SEMA6A: variants seen among roughly 807,000 people sequenced by gnomAD.
SEMA6A encodes the protein semaphorin 6A.
SEMA6A carries 25 observed loss-of-function variants against 96.8 expected under a neutral mutation model. The observed-to-expected ratio is 0.26, with a 90% CI of 0.19 to 0.36. The LOEUF (loss-of-function observed/expected upper bound fraction) is 0.36. SEMA6A is among the 10% of genes least tolerant of loss of function. The pLI, the probability that SEMA6A is intolerant of heterozygous loss-of-function variation, is 1.00. For synonymous variants in SEMA6A, 612 were observed against 518.0 expected (o/e 1.18, Z -2.46); for missense variants, 1,363 against 1,323.1 (o/e 1.03, Z -0.47).
chr5:116,532,379 G>A (rs1580482944), intron 1 of SEMA6A, among the ~76,000 whole-genome samples: 1 of 152,222 alleles, frequency 6.6e-6, no homozygotes, highest in Non-Finnish European at 1.5e-5. Flanking sequence ...ATACTTTTAT[G>A]CAGGTGCAAG....
chr5:116,514,780 C>T (rs2112800364), intron 1 of SEMA6A, among the ~76,000 whole-genome samples: 2 of 152,304 alleles, frequency 1.3e-5, no homozygotes, highest in Admixed American at 1.3e-4. Flanking sequence ...ATCTTACCAA[C>T]TCCCTGTTTT....
At position 116,488,046 on chromosome 5, in the gene SEMA6A, G is replaced by T. The variant is rs893864373; in HGVS notation, c.744+62C>A. 27 of 1,084,486 alleles carry T rather than the reference G, an allele frequency of 2.5e-5. 1 individual carries two copies. Among genetic ancestry groups the T allele is most frequent in the African/African-American group, 2.0e-4 (13 of 64,030 alleles). The allele number at this position is 1,084,486 out of a possible 1,614,324, so 67.2% of individuals were successfully genotyped here. A position where few individuals can be genotyped will look rare whatever the true frequency, so the allele number is the denominator to read the frequency against. ...TTCAAGATCATTTATAACAACATTTGACCAAAGGTGTGGGTTTCTGAAAAT... is the reference window on the plus strand; with the variant it reads ...TTCAAGATCATTTATAACAACATTTTACCAAAGGTGTGGGTTTCTGAAAAT... On this transcript the variant is annotated intron_variant, in intron 9 of 18. Transcript: ENST00000343348.
At chr5:116,531,317 A>G (rs888104878) in intron 1 of SEMA6A, among the ~76,000 whole-genome samples, 2 of 152,174 alleles carry the variant, frequency 1.3e-5, no homozygotes, top group Non-Finnish European at 2.9e-5. Flanking sequence ...TACAACACAA[A>G]GTAAACGCTG....
At chr5:116,534,036 A>G (rs1759607410) in intron 1 of SEMA6A, among the ~76,000 whole-genome samples, 1 of 152,142 alleles carries the variant, frequency 6.6e-6, no homozygotes, top group Non-Finnish European at 1.5e-5. Flanking sequence ...CTTGAGGGAA[A>G]AGTCCTTTCC....
rs767868238 is a variant in SEMA6A, at chr5:116,447,038, G to C, written c.2668C>G (p.Pro890Ala). ...KVPQREASLG[P>A]PGASLSQTGL... Reference sequence around the variant, plus strand: ...GTCTGAGACAGGGAGGCTCCCGGGGGACCCAGGGAGGCCTCCCGCTGTGGA... The same window carrying C: ...GTCTGAGACAGGGAGGCTCCCGGGGCACCCAGGGAGGCCTCCCGCTGTGGA... The change falls in exon 19 of 19, where the codon CCC becomes GCC. Residue 890 changes from proline to alanine, a missense_variant. Pro to Ala is a conservative substitution (Grantham distance 27). Coordinates refer to ENST00000343348, the MANE Select transcript of SEMA6A (RefSeq NM_020796.5). 2 of 1,613,896 alleles carry C rather than the reference G, an allele frequency of 1.2e-6. No individual in the cohort carries two copies. Among genetic ancestry groups the C allele is most frequent in the South Asian group, 1.1e-5 (1 of 91,076 alleles).
At chr5:116,519,287 A>G (rs1758816439) in intron 1 of SEMA6A, among the ~76,000 whole-genome samples, 1 of 152,136 alleles carries the variant, frequency 6.6e-6, no homozygotes, top group Non-Finnish European at 1.5e-5. Context: ...AATTTTTCCA[A>G]TTTTTTGAAA....
At chr5:116,524,012 A>G (rs1759091743) in intron 1 of SEMA6A, among the ~76,000 whole-genome samples, 1 of 152,246 alleles carries the variant, frequency 6.6e-6, no homozygotes. Context: ...ACAACTGGAC[A>G]TTGAAACCTA....
At chr5:116,565,718 A>G (rs1760998323) in intron 1 of SEMA6A, among the ~76,000 whole-genome samples, 1 of 152,262 alleles carries the variant, frequency 6.6e-6, no homozygotes, top group Admixed American at 6.5e-5. Flanking sequence ...GAACAAATAC[A>G]TTGAAAAACC....
chr5:116,463,672 GATA>G, intron 18 of SEMA6A, among the ~76,000 whole-genome samples: 1 of 152,256 alleles, frequency 6.6e-6, no homozygotes, highest in African/African-American at 2.4e-5. Flanking sequence ...GTAATAATGT[GATA>G]ATATCTCACT....
chr5:116,516,552 A>G (rs1170553679), intron 1 of SEMA6A, among the ~76,000 whole-genome samples: 2 of 152,180 alleles, frequency 1.3e-5, no homozygotes, highest in African/African-American at 4.8e-5. Context: ...TTATGTAAAA[A>G]GTGACTCATT....
At chr5:116,513,141 C>T (rs1278179290) in intron 1 of SEMA6A, among the ~76,000 whole-genome samples, 1 of 150,378 alleles carries the variant, frequency 6.6e-6, no homozygotes, top group Non-Finnish European at 1.5e-5. Flanking sequence ...TTTTTTTTTC[C>T]CCCGCGACGG....
At chr5:116,502,123 G>T in intron 3 of SEMA6A, 87 bp downstream of exon 3, 1 of 984,792 alleles carries the variant, frequency 1.0e-6, no homozygotes, top group Non-Finnish European at 1.6e-6. Flanking sequence ...GAAACCTCAA[G>T]ATCTTAAAAA....
intron 18 of SEMA6A, 56 bp from the exon 19 acceptor site, chr5:116,447,867 T>C: frequency 1.4e-6 from 2 of 1,407,176 alleles, no homozygotes; most frequent in East Asian, 2.5e-5. Context: ...CGAGGCTTGT[T>C]TTTGCTTGGC....
Position 116,467,762 on chromosome 5 carries a change from A to G in SEMA6A, c.1730-15T>C, listed in dbSNP as rs1383466693. On this transcript the variant is annotated splice_polypyrimidine_tract_variant and intron_variant, in intron 17 of 18. Coordinates refer to ENST00000343348, the MANE Select transcript of SEMA6A (RefSeq NM_020796.5). ...ACTGGAATGCCCTGTTTTCATCACA[A>G]ATACAGTTAGGAAAACATCACCAGA... The G allele has an allele frequency of 1.2e-6, 2 of 1,612,990 alleles. No homozygotes were observed. Among genetic ancestry groups the G allele is most frequent in the South Asian group, 1.1e-5 (1 of 90,916 alleles).
intron 7 of SEMA6A, among the ~76,000 whole-genome samples, 154 bp from the exon 8 acceptor site, chr5:116,489,161 C>T (rs1580426900): frequency 1.3e-5 from 2 of 152,264 alleles, no homozygotes; most frequent in East Asian, 1.9e-4. Flanking sequence ...ACTCTTGGCC[C>T]ACATTCCTAA....
rs181049688 is a variant in SEMA6A at position 116,547,377 on chromosome 5, T to C, written c.-39+26808A>G. 3.6e-3 allele frequency among the ~76,000 whole-genome samples: 550 copies of C among 152,312 alleles called. 4 individuals are homozygous for C. Among genetic ancestry groups the C allele is most frequent in the African/African-American group, 0.013 (542 of 41,570 alleles). On this transcript the variant is annotated intron_variant, in intron 1 of 18. Coordinates refer to ENST00000343348, the MANE Select transcript of SEMA6A (RefSeq NM_020796.5). ...TGAATGTATTCATCCTACATTTGTA[T>C]GTTTCTTTTTAAAGATTCAAACATA...
intron 1 of SEMA6A, among the ~76,000 whole-genome samples, chr5:116,528,112 C>T (rs1314121111): frequency 6.6e-6 from 1 of 152,182 alleles, no homozygotes; most frequent in Non-Finnish European, 1.5e-5. Context: ...AAATAACTAA[C>T]CAACAAATGT....
intron 10 of SEMA6A, among the ~76,000 whole-genome samples, chr5:116,483,883 G>C (rs778259315): frequency 2.6e-4 from 39 of 152,124 alleles, no homozygotes; most frequent in Non-Finnish European, 4.9e-4. Flanking sequence ...GGCCAACATG[G>C]TGAAACCCCG....
At chr5:116,490,517 C>G (rs1249408180) in intron 7 of SEMA6A, among the ~76,000 whole-genome samples, 3 of 152,308 alleles carry the variant, frequency 2.0e-5, no homozygotes, top group African/African-American at 7.2e-5. Flanking sequence ...GGAGTATGCT[C>G]AAGTACTCTT....
Sources: allele counts gnomAD v4.1 joint callset (sites outside exome capture counted in the v4.1 genomes callset), GRCh38; gene constraint gnomAD v4.1.1; transcripts MANE v1.5; gene names NCBI Gene and HGNC (gene_info 2026-07-23, HGNC 2026-07-21).